Variants in TCF20 observed in about 807,000 individuals in gnomAD.
TCF20 encodes transcription factor 20.
TCF20 carries 3 observed loss-of-function variants against 148.6 expected under a neutral mutation model. The ratio of observed to expected loss-of-function variants is 0.02; its 90% CI spans 0.01 to 0.05. The LOEUF (loss-of-function observed/expected upper bound fraction) is 0.05, where lower values mean the gene tolerates loss of function less well. Among genes scored for constraint, TCF20 ranks in the 10% least tolerant of loss-of-function variants. TCF20 has a pLI of 1.00. For missense variants in TCF20, 2,350 were observed against 2,429.3 expected (o/e 0.97, Z 0.69); for synonymous variants, 1,049 against 909.5 (o/e 1.15, Z -2.76).
rs1927799447 is a variant in TCF20, at chr22:42,323,945, TG to T, written c.-37+19533del. On this transcript the variant is annotated intron_variant, in intron 1 of 1. Coordinates refer to the TCF20 transcript ENST00000515426. ...GAGGTTATGGTGGTGGTGGTGGTGATGGAGGTTATGGTGGTGGTGGTGATGG... is the reference window on the plus strand; with the variant it reads ...GAGGTTATGGTGGTGGTGGTGGTGATGAGGTTATGGTGGTGGTGGTGATGG... 1.9e-5 allele frequency among the ~76,000 whole-genome samples: 2 copies of T among 104,684 alleles called. 1 individual carries two copies. The highest frequency in any genetic ancestry group is 4.2e-5 in the Non-Finnish European group (2 of 47,758). 68.7% of individuals were successfully genotyped at this position (104,684 alleles called of 152,430 possible).
upstream of TCF20, among the ~76,000 whole-genome samples, chr22:42,287,486 C>T (rs1927053318): frequency 6.6e-6 from 1 of 152,208 alleles, no homozygotes. Context: ...TCTACTGCAT[C>T]TCATCATAGC....
intron 1 of TCF20, among the ~76,000 whole-genome samples, chr22:42,257,957 T>C (rs1024473636): frequency 6.6e-6 from 1 of 152,218 alleles, no homozygotes; most frequent in Non-Finnish European, 1.5e-5. Context: ...TTAAATAAAA[T>C]GTGAGGGCTC....
intron 1 of TCF20, among the ~76,000 whole-genome samples, chr22:42,310,503 G>A (rs1188378001): frequency 2.0e-5 from 3 of 152,258 alleles, no homozygotes; most frequent in Non-Finnish European, 2.9e-5. Context: ...CCAGGGGGGC[G>A]CGTGGGCTCA....
chr22:42,231,484 AG>A, intron 1 of TCF20, among the ~76,000 whole-genome samples: 1 of 152,204 alleles, frequency 6.6e-6, no homozygotes, highest in African/African-American at 2.4e-5. Context: ...TATCTCTAAG[AG>A]TAATTAATAA....
intron 1 of TCF20, among the ~76,000 whole-genome samples, chr22:42,263,567 CTAAA>C (rs1949964854): frequency 6.6e-6 from 1 of 152,178 alleles, no homozygotes; most frequent in South Asian, 2.1e-4. Flanking sequence ...AGGCCTCACT[CTAAA>C]TGAACTAAAT....
intron 2 of TCF20, among the ~76,000 whole-genome samples, chr22:42,207,488 A>G (rs1474161484): frequency 6.6e-6 from 1 of 152,220 alleles, no homozygotes; most frequent in African/African-American, 2.4e-5. Flanking sequence ...GAGAGCTTCA[A>G]GTCATTTTTT....
intron 1 of TCF20, among the ~76,000 whole-genome samples, chr22:42,267,871 C>A (rs968100618): frequency 3.9e-5 from 6 of 152,152 alleles, no homozygotes; most frequent in African/African-American, 1.4e-4. Flanking sequence ...CTAGCCCAGG[C>A]GCAGTGGTTC....
intron 2 of TCF20, among the ~76,000 whole-genome samples, chr22:42,203,950 CAT>C (rs1938213850): frequency 6.6e-6 from 1 of 152,162 alleles, no homozygotes; most frequent in African/African-American, 2.4e-5. Flanking sequence ...CTTCAAGGAA[CAT>C]ATAGTTGAGA....
intron 1 of TCF20, among the ~76,000 whole-genome samples, chr22:42,312,958 C>T (rs1445369333): frequency 6.6e-6 from 1 of 152,158 alleles, no homozygotes; most frequent in Non-Finnish European, 1.5e-5. Flanking sequence ...AGCTCCAGTA[C>T]TGGGGGTGGC....
At chr22:42,311,164 G>A (rs1006243001) in intron 1 of TCF20, among the ~76,000 whole-genome samples, 1 of 152,216 alleles carries the variant, frequency 6.6e-6, no homozygotes, top group African/African-American at 2.4e-5. Flanking sequence ...CTCCCCTCAA[G>A]GACCTGCACG....
upstream of TCF20, among the ~76,000 whole-genome samples, chr22:42,270,792 C>G (rs1926583396): frequency 1.4e-5 from 2 of 145,942 alleles, no homozygotes; most frequent in South Asian, 2.1e-4. Flanking sequence ...GCGTGCCCAC[C>G]CGCGTGCGGC....
chr22:42,232,549 C>T (rs1002361416), intron 1 of TCF20, among the ~76,000 whole-genome samples: 13 of 152,090 alleles, frequency 8.5e-5, no homozygotes, highest in Non-Finnish European at 1.5e-4. Flanking sequence ...TTCGATCGGC[C>T]GGGCGCAGTG....
intron 5 of TCF20, among the ~76,000 whole-genome samples, chr22:42,168,029 G>C (rs1257608799): frequency 2.0e-5 from 3 of 151,842 alleles, no homozygotes; most frequent in Admixed American, 1.3e-4. Flanking sequence ...GCCCAGCCTC[G>C]AGATTTTTAA....
intron 1 of TCF20, among the ~76,000 whole-genome samples, chr22:42,221,568 A>T (rs1922358435): frequency 6.6e-6 from 1 of 152,092 alleles, no homozygotes; most frequent in African/African-American, 2.4e-5. Flanking sequence ...ATCCTCCCTC[A>T]ACAAAACACT....
chr22:42,212,522 T>C lies in TCF20; in HGVS notation c.2784A>G (p.Ile928Met). 2 of 1,614,162 alleles carry C rather than the reference T, an allele frequency of 1.2e-6. No homozygotes were observed. Among genetic ancestry groups the C allele is most frequent in the East Asian group, 2.2e-5 (1 of 44,884 alleles). The change falls in exon 2 of 6, where the codon ATA becomes ATG. Residue 928 changes from isoleucine (I) to methionine (M), a missense_variant. Coordinates refer to ENST00000677622, the MANE Select transcript of TCF20 (RefSeq NM_001378418.1). ...ETKLKSQSGQ[I>M]KEEDFEQSKS... ...TAGACTGTTCAAAGTCTTCCTCTTT[T>C]ATCTGCCCGCTCTGGGATTTCAGCT...
chr22:42,198,388 G>A (rs1012616461), intron 2 of TCF20, among the ~76,000 whole-genome samples: 1 of 152,170 alleles, frequency 6.6e-6, no homozygotes, highest in African/African-American at 2.4e-5. Context: ...CATGTTAGCA[G>A]TCATTACAGT....
At chr22:42,286,660 T>C (rs562670413), upstream of TCF20, among the ~76,000 whole-genome samples, 64 of 152,334 alleles carry the variant, frequency 4.2e-4, no homozygotes, top group South Asian at 0.012. Context: ...AGAGATGTGC[T>C]GTGGCAGTGG....
intron 1 of TCF20, among the ~76,000 whole-genome samples, chr22:42,228,269 C>G (rs927821505): frequency 3.3e-5 from 5 of 152,188 alleles, no homozygotes; most frequent in Admixed American, 2.0e-4. Context: ...AAAACGGACA[C>G]AGTCTGAAGT....
In TCF20 at chr22:42,215,189, C is replaced by T. The variant is rs1921616297; in HGVS notation, c.117G>A (p.Gln39=). The T allele has an allele frequency of 6.2e-7, 1 of 1,614,216 alleles. No individual in the cohort carries two copies. The highest frequency in any genetic ancestry group is 8.5e-7 in the Non-Finnish European group (1 of 1,180,038). ...TACTGCCACCTGTACCTCCAAAATT[C>T]TGGAACATCTGGGCCTGACGAGGGC... The part of the protein sequence containing the change: ...EFSPRQAQMF[Q]NFGGTGGSSG... Residue 39 remains glutamine (Q), a synonymous_variant, in exon 2 of 6, where the codon CAG becomes CAA. Transcript: ENST00000677622.
Sources: allele counts gnomAD v4.1 joint callset (sites outside exome capture counted in the v4.1 genomes callset), GRCh38; gene constraint gnomAD v4.1.1; transcripts MANE v1.5; gene names NCBI Gene and HGNC (gene_info 2026-07-23, HGNC 2026-07-21).